Variants in CCDC171 observed in about 807,000 individuals in gnomAD.
CCDC171 encodes the protein coiled-coil domain containing 171.
In CCDC171, 177 loss-of-function variants were observed where a neutral mutation model predicts 168.2. The ratio of observed to expected loss-of-function variants is 1.05; its 90% CI spans 0.93 to 1.19. CCDC171 has a LOEUF of 1.19. CCDC171 is among the 50% of genes most tolerant of loss of function. The pLI, the probability that CCDC171 is intolerant of heterozygous loss-of-function variation, is 0.00. For missense variants in CCDC171, 1,991 were observed against 1,539.0 expected, an observed-to-expected ratio of 1.29 and a Z score of -4.91; for synonymous variants, 687 against 540.8, an observed-to-expected ratio of 1.27 and a Z score of -3.75.
At chr9:15,861,750 A>C (rs2061569142) in intron 23 of CCDC171, among the ~76,000 whole-genome samples, 1 of 151,926 alleles carries the variant, frequency 6.6e-6, no homozygotes, top group Non-Finnish European at 1.5e-5. Flanking sequence ...TCGTGTTTTA[A>C]CTTTTACATT....
At chr9:15,565,334 C>A (rs1026991628) in intron 2 of CCDC171, among the ~76,000 whole-genome samples, 2 of 152,030 alleles carry the variant, frequency 1.3e-5, no homozygotes, top group Admixed American at 6.6e-5. Context: ...AAACTTCTTA[C>A]CACATCAATG....
intron 21 of CCDC171, among the ~76,000 whole-genome samples, chr9:15,821,646 A>T (rs2059775925): frequency 8.5e-6 from 1 of 117,042 alleles, no homozygotes; most frequent in Non-Finnish European, 1.9e-5. Context: ...GGACCTCTTC[A>T]AGGAGAACTA....
intron 24 of CCDC171, among the ~76,000 whole-genome samples, chr9:15,884,726 G>A (rs7865363): frequency 0.049 from 7,483 of 152,160 alleles, 653 homozygotes; most frequent in African/African-American, 0.17. Flanking sequence ...AAAGGTGACA[G>A]TGACGCCAGT....
intron 11 of CCDC171, among the ~76,000 whole-genome samples, chr9:15,700,806 A>C (rs184168999): frequency 6.6e-6 from 1 of 152,060 alleles, no homozygotes; most frequent in East Asian, 1.9e-4. Flanking sequence ...TTTTTTGAGA[A>C]ATCTCCATAC....
In CCDC171 at chr9:15,951,685, A is replaced by C. The variant is rs892229848; in HGVS notation, c.3754-19924A>C. Among the ~76,000 whole-genome samples the C allele has an allele frequency of 3.3e-5, 5 of 152,056 alleles. No homozygotes were observed. The East Asian group carries it at 9.6e-4, about 29-fold the overall frequency. ...TTTGTTTTTTGGAGAATGTTGATTT[A>C]AGTCCTTTGCCCATTTTTTAAATCA... is the stretch of plus-strand genomic sequence containing the variant. On this transcript the variant is annotated intron_variant, in intron 25 of 25. Coordinates refer to ENST00000380701, the MANE Select transcript of CCDC171 (RefSeq NM_173550.4).
intron 21 of CCDC171, among the ~76,000 whole-genome samples, chr9:15,827,059 C>A (rs1214221376): frequency 6.6e-6 from 1 of 152,124 alleles, no homozygotes; most frequent in Non-Finnish European, 1.5e-5. Flanking sequence ...GATGGATGGG[C>A]TATGAGCTTG....
At position 15,650,143 on chromosome 9, in the gene CCDC171, G is replaced by A. The variant is rs1031202056; in HGVS notation, c.823-6984G>A. 8.5e-5 allele frequency among the ~76,000 whole-genome samples: 13 copies of A among 152,242 alleles called. No individual in the cohort carries two copies. In the East Asian group the frequency reaches 2.3e-3, roughly 27 times the overall value. ...AAACCATCATTCTGAGCAAACTATT[G>A]CAAGGACAAAAAACCAAACACCGCA... On this transcript the variant is annotated intron_variant, in intron 7 of 25. Coordinates refer to ENST00000380701, the MANE Select transcript of CCDC171 (RefSeq NM_173550.4).
chr9:15,860,732 T>TATACTGG (rs776227581), intron 23 of CCDC171, among the ~76,000 whole-genome samples: 1 of 151,994 alleles, frequency 6.6e-6, no homozygotes, highest in Non-Finnish European at 1.5e-5. Flanking sequence ...TCTGCTGCTG[T>TATACTGG]ATACTGGAAC....
chr9:15,949,415 T>A (rs1442621254), intron 25 of CCDC171, among the ~76,000 whole-genome samples: 1 of 152,204 alleles, frequency 6.6e-6, no homozygotes, highest in Non-Finnish European at 1.5e-5. Context: ...CCTTGGGCAG[T>A]ATGGCCATTT....
the CCDC171 span, among the ~76,000 whole-genome samples, chr9:16,085,408 G>C: frequency 1.3e-5 from 2 of 152,212 alleles, no homozygotes; most frequent in Non-Finnish European, 2.9e-5. Flanking sequence ...TCAAATGCCT[G>C]TCCTGAAGTC....
chr9:15,761,986 G>A (rs1318673583), intron 18 of CCDC171, among the ~76,000 whole-genome samples: 3 of 152,008 alleles, frequency 2.0e-5, no homozygotes, highest in Non-Finnish European at 2.9e-5. Context: ...ATCCTTGAAA[G>A]TGTTCACAAC....
At chr9:15,751,146 G>A (rs180675777) in intron 18 of CCDC171, among the ~76,000 whole-genome samples, 2 of 152,310 alleles carry the variant, frequency 1.3e-5, no homozygotes, top group East Asian at 3.9e-4. Context: ...CCAACAGAGA[G>A]CCAAATCATG....
intron 24 of CCDC171, among the ~76,000 whole-genome samples, chr9:15,913,967 A>G (rs947697864): frequency 1.4e-4 from 21 of 152,202 alleles, no homozygotes; most frequent in Non-Finnish European, 5.9e-5. Flanking sequence ...GGTATCACCA[A>G]CAGAGGCTGC....
chr9:15,670,307 CTTAA>C, intron 9 of CCDC171, among the ~76,000 whole-genome samples: 1 of 152,008 alleles, frequency 6.6e-6, no homozygotes, highest in East Asian at 1.9e-4. Context: ...GACAGATGCA[CTTAA>C]TTATCTATTT....
intron 18 of CCDC171, among the ~76,000 whole-genome samples, chr9:15,752,044 A>G (rs1451686137): frequency 6.6e-6 from 1 of 152,230 alleles, no homozygotes; most frequent in Admixed American, 6.5e-5. Flanking sequence ...ATCTACAAAG[A>G]ACTTAAACAA....
intron 6 of CCDC171, among the ~76,000 whole-genome samples, chr9:15,596,421 T>A (rs1318881377): frequency 6.6e-6 from 1 of 152,174 alleles, no homozygotes; most frequent in Non-Finnish European, 1.5e-5. Context: ...CCATTTCTTG[T>A]TTTTGTCAGG....
chr9:15,937,454 T>G (rs1198500907), intron 25 of CCDC171, among the ~76,000 whole-genome samples: 1 of 152,018 alleles, frequency 6.6e-6, no homozygotes, highest in Non-Finnish European at 1.5e-5. Context: ...TTCCAATACT[T>G]TAGAATTTTC....
chr9:15,700,865 A>G (rs555439059), intron 11 of CCDC171, among the ~76,000 whole-genome samples: 1 of 151,900 alleles, frequency 6.6e-6, no homozygotes, highest in Non-Finnish European at 1.5e-5. Flanking sequence ...ACAATGTATA[A>G]GAGTTCTCTT....
At chr9:15,870,209 T>A (rs2061977414) in intron 23 of CCDC171, among the ~76,000 whole-genome samples, 1 of 151,678 alleles carries the variant, frequency 6.6e-6, no homozygotes, top group Non-Finnish European at 1.5e-5. Context: ...AAATAGTATG[T>A]AGGCTGTTCT....
Sources: gnomAD v4.1 joint callset for allele counts (sites outside exome capture counted in the v4.1 genomes callset) on GRCh38, gnomAD v4.1.1 for gene constraint, MANE v1.5 for transcripts, NCBI Gene and HGNC (gene_info 2026-07-23, HGNC 2026-07-21) for gene names.